The following KCNMB2 variants were observed in gnomAD, a reference collection of about 807,000 sequenced individuals.
KCNMB2 encodes potassium calcium-activated channel subfamily M regulatory beta subunit 2.
In KCNMB2, 9 loss-of-function variants were observed where a neutral mutation model predicts 24.5. The ratio of observed to expected loss-of-function variants is 0.37; its 90% CI spans 0.22 to 0.64. The LOEUF (loss-of-function observed/expected upper bound fraction) is 0.64. Among genes scored for constraint, KCNMB2 ranks in the 30% least tolerant of loss-of-function variants. The pLI is 0.63. For missense variants in KCNMB2, 226 were observed against 284.3 expected, an observed-to-expected ratio of 0.79 and a Z score of 1.47; for synonymous variants, 109 against 104.4, an observed-to-expected ratio of 1.04 and a Z score of -0.27.
intron 1 of KCNMB2, among the ~76,000 whole-genome samples, chr3:178,614,247 T>TTATATATATATATATA (rs776751246): frequency 4.9e-4 from 26 of 53,454 alleles, no homozygotes; most frequent in East Asian, 6.2e-4. Flanking sequence ...TGGGCTAATT[T>TTATATATATATATATA]TATATATATA....
At chr3:178,711,417 C>T (rs1196714756) in intron 1 of KCNMB2, among the ~76,000 whole-genome samples, 2 of 152,098 alleles carry the variant, frequency 1.3e-5, no homozygotes, top group African/African-American at 4.8e-5. Context: ...TTCTACCATA[C>T]CCATCACCCC....
chr3:178,710,880 G>A (rs1559984384), intron 1 of KCNMB2, among the ~76,000 whole-genome samples: 1 of 152,054 alleles, frequency 6.6e-6, no homozygotes, highest in Non-Finnish European at 1.5e-5. Context: ...CATCCATTAT[G>A]CATTCATTTG....
intron 1 of KCNMB2, among the ~76,000 whole-genome samples, chr3:178,611,049 G>C (rs1718463605): frequency 2.0e-5 from 3 of 152,190 alleles, no homozygotes; most frequent in South Asian, 4.1e-4. Context: ...AGTTTGAGTA[G>C]AATTGGTATT....
rs1275410004 is a variant in KCNMB2 at position 178,807,457 on chromosome 3, T to C, written c.48T>C (p.Asp16=). The C allele has an allele frequency of 6.2e-7, 1 of 1,613,548 alleles. No homozygotes were observed. Among genetic ancestry groups the C allele is most frequent in the South Asian group, 1.1e-5 (1 of 91,054 alleles). The change falls in exon 2 of 5, where the codon GAT becomes GAC. Residue 16 remains aspartate, a synonymous_variant. Transcript: ENST00000452583. ...GGACCTCTTCATCTTATAGACATGA[T>C]GAAAAAAGGTAAATGCACTGGGATT... ...SGRTSSSYRH[D]EKRNIYQKIR... is the part of the protein sequence containing the mutation.
Position 178,730,603 on chromosome 3 carries a change from G to A in KCNMB2, c.-67-76740G>A, listed in dbSNP as rs576417204. ...ACTTAAGACCTTCCAATTTATTTCC[G>A]TCAAACAATGAAATGGGAACTCTTT... On this transcript the variant is annotated intron_variant, in intron 1 of 4. Coordinates refer to ENST00000452583, the MANE Select transcript of KCNMB2 (RefSeq NM_181361.3). Among the ~76,000 whole-genome samples, 15 of 152,014 alleles carry A rather than the reference G, an allele frequency of 9.9e-5. 1 individual carries two copies. Among genetic ancestry groups the A allele is most frequent in the African/African-American group, 1.9e-4 (8 of 41,454 alleles).
chr3:178,733,407 TG>T (rs1723214894), intron 1 of KCNMB2, among the ~76,000 whole-genome samples: 1 of 152,172 alleles, frequency 6.6e-6, no homozygotes, highest in Non-Finnish European at 1.5e-5. Flanking sequence ...ACTTTTACTC[TG>T]GATTGAATAG....
chr3:178,771,694 T>A (rs1712373884), intron 1 of KCNMB2, among the ~76,000 whole-genome samples: 1 of 151,982 alleles, frequency 6.6e-6, no homozygotes, highest in Non-Finnish European at 1.5e-5. Flanking sequence ...GTGACTCACT[T>A]TGCTTCTTTG....
At chr3:178,733,989 T>G (rs141448887) in intron 1 of KCNMB2, among the ~76,000 whole-genome samples, 21 of 152,304 alleles carry the variant, frequency 1.4e-4, no homozygotes, top group African/African-American at 5.1e-4. Flanking sequence ...TAATAGGATT[T>G]TCTGACCAGT....
chr3:178,811,228 A>G (rs1219418961), intron 2 of KCNMB2, among the ~76,000 whole-genome samples: 2 of 152,190 alleles, frequency 1.3e-5, no homozygotes, highest in Non-Finnish European at 2.9e-5. Flanking sequence ...ATACAAAGTG[A>G]TATTATAAAC....
intron 1 of KCNMB2, among the ~76,000 whole-genome samples, chr3:178,622,415 A>G (rs1486721756): frequency 6.6e-6 from 1 of 152,214 alleles, no homozygotes; most frequent in Admixed American, 6.5e-5. Flanking sequence ...TTTAACCACA[A>G]AGTCAAAGAA....
chr3:178,790,262 C>A (rs914985982), intron 1 of KCNMB2, among the ~76,000 whole-genome samples: 1 of 152,028 alleles, frequency 6.6e-6, no homozygotes, highest in African/African-American at 2.4e-5. Context: ...CAGTGGTTGC[C>A]AGGCAGTACT....
At chr3:178,733,280 C>G (rs1723210698) in intron 1 of KCNMB2, among the ~76,000 whole-genome samples, 1 of 151,976 alleles carries the variant, frequency 6.6e-6, no homozygotes, top group Admixed American at 6.6e-5. Flanking sequence ...CTGATATACT[C>G]CAAGCACAGC....
chr3:178,691,974 T>C (rs955955802), intron 1 of KCNMB2, among the ~76,000 whole-genome samples: 1 of 152,236 alleles, frequency 6.6e-6, no homozygotes, highest in Non-Finnish European at 1.5e-5. Context: ...TATCTCATTG[T>C]GGTTTTGATT....
intron 1 of KCNMB2, among the ~76,000 whole-genome samples, chr3:178,781,696 G>C (rs187520863): frequency 7.9e-5 from 12 of 151,820 alleles, no homozygotes; most frequent in South Asian, 6.2e-4. Flanking sequence ...TGAGGAACAG[G>C]GGGGAGTGAT....
At chr3:178,822,136 C>G (rs1430413520) in intron 2 of KCNMB2, among the ~76,000 whole-genome samples, 1 of 152,178 alleles carries the variant, frequency 6.6e-6, no homozygotes, top group African/African-American at 2.4e-5. Flanking sequence ...GCCTCTTTTT[C>G]CCTGTCCCAT....
chr3:178,809,725 G>A (rs1489898335), intron 2 of KCNMB2, among the ~76,000 whole-genome samples: 5 of 152,218 alleles, frequency 3.3e-5, no homozygotes, highest in South Asian at 2.1e-4. Context: ...AATATTTGTG[G>A]AGTTTGAAAG....
At chr3:178,773,195 T>A (rs1712445996) in intron 1 of KCNMB2, among the ~76,000 whole-genome samples, 1 of 152,144 alleles carries the variant, frequency 6.6e-6, no homozygotes, top group South Asian at 2.1e-4. Context: ...AGGCCTATCG[T>A]CCTCCCTTTC....
chr3:178,833,368 C>T (rs1343564122), intron 4 of KCNMB2, among the ~76,000 whole-genome samples: 1 of 152,154 alleles, frequency 6.6e-6, no homozygotes, highest in Non-Finnish European at 1.5e-5. Flanking sequence ...AAAAAGGCAC[C>T]AAACATTTGG....
At chr3:178,750,698 A>G (rs1560001314) in intron 1 of KCNMB2, among the ~76,000 whole-genome samples, 2 of 152,194 alleles carry the variant, frequency 1.3e-5, no homozygotes, top group Admixed American at 6.6e-5. Flanking sequence ...AGTTTTCCCA[A>G]CAAAAGTCCT....
Sources: gnomAD v4.1 joint callset for allele counts (sites outside exome capture counted in the v4.1 genomes callset) on GRCh38, gnomAD v4.1.1 for gene constraint, MANE v1.5 for transcripts, NCBI Gene and HGNC (gene_info 2026-07-23, HGNC 2026-07-21) for gene names.